Variants in TCF12 observed in about 807,000 individuals in gnomAD.
TCF12 encodes the protein transcription factor 12.
A neutral mutation model predicts 86.0 loss-of-function variants in TCF12; 45 were observed. That is an observed-to-expected ratio of 0.52 (90% CI 0.41 to 0.67). TCF12 has a LOEUF of 0.67. TCF12 is among the 30% of genes least tolerant of loss of function. TCF12 has a pLI of 0.00. For synonymous variants in TCF12, 330 were observed against 299.6 expected (o/e 1.10, Z -1.05); for missense variants, 881 against 859.9 (o/e 1.02, Z -0.31).
chr15:57,120,852 A>G lies in TCF12; in HGVS notation c.325+28961A>G, dbSNP rs2051178347. ...GGGCTCAGAAAATGTCTGTTGTGGC[A>G]AGCCTGTGGCCCCATCTACTCAGGA... On this transcript the variant is annotated intron_variant, in intron 5 of 20. Transcript: ENST00000333725. Among the ~76,000 whole-genome samples the G allele has an allele frequency of 1.3e-5, 2 of 152,158 alleles. 1 individual carries two copies. The highest frequency in any genetic ancestry group is 4.1e-4 in the South Asian group (2 of 4,826).
chr15:57,181,222 G>C (rs1163283123), intron 6 of TCF12, among the ~76,000 whole-genome samples: 1 of 151,970 alleles, frequency 6.6e-6, no homozygotes, highest in Non-Finnish European at 1.5e-5. Flanking sequence ...TTCCGACAAA[G>C]TAAGCCTGTT....
At chr15:56,939,737 A>G (rs975700240) in intron 3 of TCF12, among the ~76,000 whole-genome samples, 4 of 152,180 alleles carry the variant, frequency 2.6e-5, no homozygotes, top group African/African-American at 4.8e-5. Flanking sequence ...CACAAGCTGC[A>G]TGGTGAGGCT....
At chr15:57,219,875 G>A (rs1036092316) in intron 8 of TCF12, among the ~76,000 whole-genome samples, 4 of 151,728 alleles carry the variant, frequency 2.6e-5, no homozygotes, top group African/African-American at 7.3e-5. Context: ...ACAGGCACCC[G>A]CCACCATGCC....
chr15:57,177,274 T>A (rs1184175543), intron 6 of TCF12, among the ~76,000 whole-genome samples: 2 of 150,052 alleles, frequency 1.3e-5, no homozygotes, highest in African/African-American at 2.5e-5. Context: ...AATTTTTTTT[T>A]TTTTTTTTTT....
chr15:57,212,683 G>A (rs951836726), intron 8 of TCF12, among the ~76,000 whole-genome samples: 3 of 152,180 alleles, frequency 2.0e-5, no homozygotes, highest in African/African-American at 7.2e-5. Flanking sequence ...GTTTTGGGGT[G>A]GAGTGCATAA....
intron 5 of TCF12, among the ~76,000 whole-genome samples, chr15:57,155,128 A>T (rs2054025678): frequency 6.6e-6 from 1 of 152,158 alleles, no homozygotes. Flanking sequence ...GTCTTCGTTC[A>T]TTACCATTAC....
chr15:57,180,576 C>T (rs1186414739), intron 6 of TCF12, among the ~76,000 whole-genome samples: 1 of 151,924 alleles, frequency 6.6e-6, no homozygotes, highest in Non-Finnish European at 1.5e-5. Flanking sequence ...TTTTGAACAG[C>T]TGCTTGCCTT....
At chr15:56,940,710 C>T (rs1468304720) in intron 3 of TCF12, among the ~76,000 whole-genome samples, 3 of 121,702 alleles carry the variant, frequency 2.5e-5, no homozygotes, top group Non-Finnish European at 5.1e-5. Flanking sequence ...TCCCCTCCTC[C>T]CCCCTTCCTA....
intron 5 of TCF12, among the ~76,000 whole-genome samples, chr15:57,131,713 T>C (rs2052137286): frequency 6.6e-6 from 1 of 152,172 alleles, no homozygotes; most frequent in African/African-American, 2.4e-5. Flanking sequence ...TTTAAAGTTA[T>C]GTCAGGCCAC....
intron 5 of TCF12, among the ~76,000 whole-genome samples, chr15:57,094,137 C>A (rs1433578645): frequency 6.6e-6 from 1 of 152,110 alleles, no homozygotes; most frequent in African/African-American, 2.4e-5. Flanking sequence ...ATCCTTCTGC[C>A]CCAGCCTCCC....
At chr15:57,049,348 A>C (rs1393791228) in intron 3 of TCF12, among the ~76,000 whole-genome samples, 28 of 152,220 alleles carry the variant, frequency 1.8e-4, no homozygotes, top group Admixed American at 1.2e-3. Flanking sequence ...GCAGCACTCC[A>C]GAAAGATGTC....
chr15:57,176,082 C>G (rs1451323942), intron 6 of TCF12, among the ~76,000 whole-genome samples: 3 of 152,024 alleles, frequency 2.0e-5, no homozygotes, highest in Non-Finnish European at 2.9e-5. Flanking sequence ...GCCTGTATTC[C>G]CACTCCTCTG....
At chr15:57,187,512 A>C (rs570175167) in intron 6 of TCF12, among the ~76,000 whole-genome samples, 80 of 152,292 alleles carry the variant, frequency 5.3e-4, no homozygotes, top group African/African-American at 1.8e-3. Context: ...GATGAGCAAA[A>C]AAATAATAAT....
chr15:57,006,267 C>T (rs2064367427), intron 3 of TCF12, among the ~76,000 whole-genome samples: 1 of 151,852 alleles, frequency 6.6e-6, no homozygotes, highest in African/African-American at 2.4e-5. Context: ...TTATTTTTAC[C>T]AGAAATTATG....
intron 3 of TCF12, among the ~76,000 whole-genome samples, chr15:56,983,019 T>C (rs1459619828): frequency 6.6e-6 from 1 of 152,232 alleles, no homozygotes; most frequent in East Asian, 1.9e-4. Flanking sequence ...GAAGGTCAGA[T>C]GACATATTTG....
At chr15:56,991,246 A>G (rs1230924547) in intron 3 of TCF12, among the ~76,000 whole-genome samples, 1 of 152,198 alleles carries the variant, frequency 6.6e-6, no homozygotes, top group Non-Finnish European at 1.5e-5. Flanking sequence ...ATTTGCACTG[A>G]TTTATGCATC....
chr15:57,231,075 C>A, intron 8 of TCF12, 77 bp from the exon 9 acceptor site: 1 of 1,122,322 alleles, frequency 8.9e-7, no homozygotes, highest in South Asian at 1.4e-5. Flanking sequence ...AAGCCCCTTA[C>A]AGAATATAGA....
intron 3 of TCF12, among the ~76,000 whole-genome samples, chr15:56,941,789 G>A (rs1396116598): frequency 6.6e-6 from 1 of 151,862 alleles, no homozygotes; most frequent in East Asian, 1.9e-4. Flanking sequence ...TTGAAGGTTA[G>A]GGCATTTTGT....
intron 5 of TCF12, chr15:57,134,487 C>T (rs1249702247): frequency 6.6e-6 from 1 of 152,170 alleles, no homozygotes; most frequent in Non-Finnish European, 1.5e-5. Context: ...ATTTGATGTG[C>T]AGGGCTGTGC....
Sources: allele counts gnomAD v4.1 joint callset (sites outside exome capture counted in the v4.1 genomes callset), GRCh38; gene constraint gnomAD v4.1.1; transcripts MANE v1.5; gene names NCBI Gene and HGNC (gene_info 2026-07-23, HGNC 2026-07-21).